Variants in SOX5 observed in about 807,000 individuals in gnomAD.
SOX5 encodes the protein SRY-box transcription factor 5.
In SOX5, 9 loss-of-function variants were observed where a neutral mutation model predicts 92.0. The observed-to-expected ratio is 0.10, with a 90% confidence interval of 0.06 to 0.17. The LOEUF (loss-of-function observed/expected upper bound fraction) is 0.17. Among genes scored for constraint, SOX5 ranks in the 10% least tolerant of loss-of-function variants. The pLI, the probability that SOX5 is intolerant of heterozygous loss-of-function variation, is 1.00. For synonymous variants in SOX5, 344 were observed against 336.3 expected (o/e 1.02, Z -0.25); for missense variants, 642 against 944.5 (o/e 0.68, Z 4.20).
chr12:23,567,613 C>T (rs1274096767), intron 10 of SOX5, among the ~76,000 whole-genome samples: 2 of 151,500 alleles, frequency 1.3e-5, no homozygotes, highest in Admixed American at 6.6e-5. Flanking sequence ...GGCACTACTA[C>T]CCCCAGTTAC....
At chr12:23,905,859 C>T (rs2097288207) in intron 1 of SOX5, among the ~76,000 whole-genome samples, 1 of 152,038 alleles carries the variant, frequency 6.6e-6, no homozygotes, top group Admixed American at 6.6e-5. Flanking sequence ...ACTAAAAATT[C>T]TGCCTAACTT....
chr12:24,495,018 T>C (rs192573340), intron 1 of SOX5, among the ~76,000 whole-genome samples: 130 of 152,342 alleles, frequency 8.5e-4, no homozygotes, highest in Middle Eastern at 3.4e-3. Flanking sequence ...GGAGTACTCA[T>C]TGCTAATCTA....
At chr12:24,014,734 G>C (rs2136584783) in intron 4 of SOX5, among the ~76,000 whole-genome samples, 1 of 152,266 alleles carries the variant, frequency 6.6e-6, no homozygotes, top group East Asian at 1.9e-4. Context: ...ACAAAAACTG[G>C]ACCCATAAGT....
intron 4 of SOX5, among the ~76,000 whole-genome samples, chr12:24,183,895 C>T (rs970175438): frequency 3.3e-5 from 5 of 152,074 alleles, no homozygotes; most frequent in Middle Eastern, 3.2e-3. Flanking sequence ...AGTACCTACT[C>T]GCCTTCAATT....
chr12:24,522,551 C>A (rs1203680185), intron 1 of SOX5, among the ~76,000 whole-genome samples: 2 of 152,034 alleles, frequency 1.3e-5, no homozygotes, highest in South Asian at 2.1e-4. Flanking sequence ...TCAAACTCAA[C>A]AGCATATTAA....
intron 1 of SOX5, among the ~76,000 whole-genome samples, chr12:24,494,843 C>T (rs1947453743): frequency 6.6e-6 from 1 of 152,024 alleles, no homozygotes; most frequent in Admixed American, 6.5e-5. Flanking sequence ...CAAAAAACAG[C>T]ATTACAGAAT....
At chr12:24,416,476 C>T (rs914090818) in intron 1 of SOX5, among the ~76,000 whole-genome samples, 1 of 152,110 alleles carries the variant, frequency 6.6e-6, no homozygotes. Flanking sequence ...ACAGGAGCTA[C>T]GAATGTATTC....
chr12:23,884,769 T>C (rs1288141946), intron 2 of SOX5, among the ~76,000 whole-genome samples: 3 of 152,178 alleles, frequency 2.0e-5, no homozygotes, highest in African/African-American at 4.8e-5. Flanking sequence ...CATCTGTAAA[T>C]TGGGGATAAA....
chr12:23,898,262 T>C (rs893108296), intron 1 of SOX5, among the ~76,000 whole-genome samples: 1 of 152,210 alleles, frequency 6.6e-6, no homozygotes, highest in African/African-American at 2.4e-5. Flanking sequence ...AAGGAGATTA[T>C]CCCTTTGTTA....
chr12:23,552,371 G>C (rs575734876), intron 11 of SOX5, among the ~76,000 whole-genome samples: 1 of 151,592 alleles, frequency 6.6e-6, no homozygotes, highest in Non-Finnish European at 1.5e-5. Context: ...AATGCAGACC[G>C]GGGAAACTCA....
intron 3 of SOX5, among the ~76,000 whole-genome samples, chr12:24,243,971 T>A (rs1938043635): frequency 1.3e-5 from 2 of 151,650 alleles, no homozygotes; most frequent in Non-Finnish European, 2.9e-5. Flanking sequence ...AGCTATCTAA[T>A]TTACCAATTT....
At chr12:23,888,381 G>C (rs1265073917) in intron 2 of SOX5, among the ~76,000 whole-genome samples, 1 of 151,638 alleles carries the variant, frequency 6.6e-6, no homozygotes, top group Non-Finnish European at 1.5e-5. Context: ...CATTCATTAA[G>C]TGTCCTGAAC....
intron 2 of SOX5, among the ~76,000 whole-genome samples, chr12:24,308,432 T>C (rs1948832334): frequency 6.6e-6 from 1 of 152,244 alleles, no homozygotes; most frequent in Non-Finnish European, 1.5e-5. Context: ...AGCTTTTTAA[T>C]AAATGTTCAC....
rs1946877292 is a variant in SOX5, at chr12:23,961,095, C to T, written c.-1-65071G>A. 2.0e-5 allele frequency among the ~76,000 whole-genome samples: 3 copies of T among 152,084 alleles called. No homozygotes were observed. The South Asian group carries it at 6.2e-4, about 32-fold the overall frequency. ...ATTGAGATCTGCAGACCCCAGATAG[C>T]TGTTTTCAGATGCCTGAAAGTTACA... On this transcript the variant is annotated intron_variant, in intron 4 of 4. Transcript: ENST00000446891.
chr12:24,333,498 T>C (rs1252853601), intron 2 of SOX5, among the ~76,000 whole-genome samples: 2 of 152,006 alleles, frequency 1.3e-5, no homozygotes, highest in East Asian at 1.9e-4. Flanking sequence ...TTATGACTAG[T>C]GTATATATTA....
intron 4 of SOX5, among the ~76,000 whole-genome samples, chr12:24,211,577 G>C (rs913018548): frequency 6.6e-6 from 1 of 152,202 alleles, no homozygotes; most frequent in Non-Finnish European, 1.5e-5. Flanking sequence ...CAAATGATAA[G>C]TTGGCAAAAT....
chr12:23,719,788 CAAAAAAA>C (rs33914230), intron 6 of SOX5, among the ~76,000 whole-genome samples: 2 of 64,156 alleles, frequency 3.1e-5, no homozygotes, highest in South Asian at 8.3e-4. Flanking sequence ...AGCTATTTAC[CAAAAAAA>C]AAAAAAAAAA....
intron 2 of SOX5, among the ~76,000 whole-genome samples, chr12:24,309,386 G>T (rs145767647): frequency 3.3e-5 from 5 of 152,142 alleles, no homozygotes; most frequent in Admixed American, 3.3e-4. Context: ...CACTTTTCAC[G>T]AAAAATGCTG....
chr12:24,276,839 A>T (rs1944485294), intron 3 of SOX5, among the ~76,000 whole-genome samples: 1 of 152,164 alleles, frequency 6.6e-6, no homozygotes, highest in South Asian at 2.1e-4. Context: ...TGACCTATCC[A>T]TTGCAATCCC....
Sources: gnomAD v4.1 joint callset for allele counts (sites outside exome capture counted in the v4.1 genomes callset) on GRCh38, gnomAD v4.1.1 for gene constraint, MANE v1.5 for transcripts, NCBI Gene and HGNC (gene_info 2026-07-23, HGNC 2026-07-21) for gene names.